The following KHDRBS2 variants were observed in gnomAD, a reference collection of about 807,000 sequenced individuals.
KHDRBS2 encodes KH domain-containing, RNA-binding, signal transduction-associated protein 2.
Under a neutral mutation model 44.3 loss-of-function variants are expected in KHDRBS2, and 26 were observed. The ratio of observed to expected loss-of-function variants is 0.59; its 90% CI spans 0.43 to 0.81. The LOEUF is 0.81. Ranked by LOEUF, KHDRBS2 falls within the 40% of genes least tolerant of loss-of-function variation. The probability of loss-of-function intolerance (pLI) is 0.00; values close to 1 mark genes in which losing one functional copy is unlikely to be tolerated. For missense variants in KHDRBS2, 476 were observed against 433.1 expected (o/e 1.10, Z -0.88); for synonymous variants, 194 against 151.1 (o/e 1.28, Z -2.08).
At chr6:61,749,009 C>CTTTTTTTT (rs34423906) in intron 6 of KHDRBS2, among the ~76,000 whole-genome samples, 289 of 97,216 alleles carry the variant, frequency 3.0e-3, no homozygotes, top group Non-Finnish European at 3.6e-3. Context: ...TTCTTTCTTT[C>CTTTTTTTT]TTTTTTTTTT....
chr6:61,579,102 A>G, the KHDRBS2 span, among the ~76,000 whole-genome samples: 1 of 152,290 alleles, frequency 6.6e-6, no homozygotes, highest in East Asian at 1.9e-4. Flanking sequence ...GCGTAGGCTC[A>G]GGATTACCAG....
intron 6 of KHDRBS2, among the ~76,000 whole-genome samples, chr6:61,765,634 G>C (rs56231834): frequency 0.028 from 4,297 of 151,984 alleles, 223 homozygotes; most frequent in African/African-American, 0.099. Context: ...TGTTATATAT[G>C]GCCTTTATCA....
chr6:61,977,090 C>T (rs964437845), intron 4 of KHDRBS2, among the ~76,000 whole-genome samples: 2 of 152,040 alleles, frequency 1.3e-5, no homozygotes, highest in Non-Finnish European at 2.9e-5. Flanking sequence ...TCTTGAAATT[C>T]TCTGGTTTTA....
chr6:61,547,945 C>G, the KHDRBS2 span, among the ~76,000 whole-genome samples: 1 of 152,060 alleles, frequency 6.6e-6, no homozygotes, highest in South Asian at 2.1e-4. Context: ...AAAGGTACAG[C>G]ATTTTAACAC....
chr6:61,599,519 C>T, the KHDRBS2 span, among the ~76,000 whole-genome samples: 1 of 152,118 alleles, frequency 6.6e-6, no homozygotes, highest in South Asian at 2.1e-4. Flanking sequence ...GATAGTGAAA[C>T]ACTCTTGTTG....
chr6:61,755,694 C>T (rs1778385059), intron 6 of KHDRBS2, among the ~76,000 whole-genome samples: 1 of 151,120 alleles, frequency 6.6e-6, no homozygotes. Context: ...GCCTGTAATC[C>T]TAGCTACTTG....
Position 62,105,067 on chromosome 6 carries a change from C to A in KHDRBS2, c.220-57073G>T, listed in dbSNP as rs372959175. Among the ~76,000 whole-genome samples the A allele has an allele frequency of 2.6e-4, 40 of 152,092 alleles. No individual in the cohort carries two copies. In the East Asian group the frequency reaches 4.1e-3, roughly 15 times the overall value. ...GTGGACAAATTCATTGAAAAACAAA[C>A]AACCATTCTCAACAGGAAGAAAATG... On this transcript the variant is annotated intron_variant, in intron 2 of 8. Coordinates refer to ENST00000281156, the MANE Select transcript of KHDRBS2 (RefSeq NM_152688.4).
rs149154240 is a variant in KHDRBS2 at position 62,284,304 on chromosome 6, T to C, written c.91+1554A>G. Among the ~76,000 whole-genome samples the C allele has an allele frequency of 6.0e-4, 91 of 151,862 alleles. 1 individual carries two copies. The East Asian group carries it at 0.015, about 25-fold the overall frequency. On this transcript the variant is annotated intron_variant, in intron 1 of 8. Coordinates refer to ENST00000281156, the MANE Select transcript of KHDRBS2 (RefSeq NM_152688.4). ...TAGCGGGTCAGAGAGAATGATCAATTTGTAACTTTTTTTTCACTTTAAAGA... is the reference window on the plus strand; with the variant it reads ...TAGCGGGTCAGAGAGAATGATCAATCTGTAACTTTTTTTTCACTTTAAAGA...
At chr6:62,023,015 G>A (rs1554333458) in intron 3 of KHDRBS2, among the ~76,000 whole-genome samples, 18 of 151,598 alleles carry the variant, frequency 1.2e-4, no homozygotes. Flanking sequence ...GAACAAAAGG[G>A]CAGGCTTGTA....
At chr6:61,678,484 G>C (rs2127536654), downstream of KHDRBS2, among the ~76,000 whole-genome samples, 1 of 152,070 alleles carries the variant, frequency 6.6e-6, no homozygotes, top group East Asian at 1.9e-4. Flanking sequence ...GATAGGTAAG[G>C]AGTTGGTCAG....
rs70996208 is a variant in KHDRBS2, at chr6:62,194,480, C to CTTTTTT, written c.92-17174_92-17169dup. Among the ~76,000 whole-genome samples the CTTTTTT allele has an allele frequency of 2.0e-3, 139 of 69,748 alleles. 14 individuals are homozygous for CTTTTTT. The highest frequency in any genetic ancestry group is 2.5e-3 in the Non-Finnish European group (99 of 39,772). 45.8% of individuals were successfully genotyped at this position (69,748 alleles called of 152,430 possible). On this transcript the variant is annotated intron_variant, in intron 1 of 8. Transcript: ENST00000281156. The stretch of plus-strand genomic sequence containing the variant: ...CACTTTCTTTTCTTTTCTTTTCTTC[C>CTTTTTT]TTTTTTTTTTTTTTTTTTTTTTTTT...
intron 6 of KHDRBS2, among the ~76,000 whole-genome samples, chr6:61,746,277 T>G (rs2127566341): frequency 6.6e-6 from 1 of 152,104 alleles, no homozygotes; most frequent in South Asian, 2.1e-4. Context: ...TCGCATGCAT[T>G]AAGTATTTGT....
At chr6:61,555,003 G>C in the KHDRBS2 span, among the ~76,000 whole-genome samples, 24 of 152,066 alleles carry the variant, frequency 1.6e-4, no homozygotes, top group African/African-American at 4.6e-4. Flanking sequence ...TGGTCTTCTT[G>C]TTTCACAGGG....
intron 3 of KHDRBS2, among the ~76,000 whole-genome samples, chr6:62,019,896 C>T (rs1316453950): frequency 2.0e-5 from 3 of 151,362 alleles, no homozygotes; most frequent in African/African-American, 7.3e-5. Context: ...TTTTATTCAT[C>T]ATTATTTTTG....
the KHDRBS2 span, among the ~76,000 whole-genome samples, chr6:61,655,784 A>G: frequency 6.6e-6 from 1 of 152,098 alleles, no homozygotes. Context: ...GAAGTAGTCC[A>G]TTTCACACAT....
intron 7 of KHDRBS2, among the ~76,000 whole-genome samples, chr6:61,722,883 G>A (rs1262148712): frequency 2.0e-5 from 3 of 151,770 alleles, no homozygotes; most frequent in Non-Finnish European, 4.4e-5. Flanking sequence ...CTAATTTTTT[G>A]TACTTTTAGT....
chr6:62,099,883 T>C (rs1801469161), intron 2 of KHDRBS2, among the ~76,000 whole-genome samples: 2 of 152,192 alleles, frequency 1.3e-5, no homozygotes, highest in African/African-American at 4.8e-5. Flanking sequence ...ACTAACACAA[T>C]ATACATTCTA....
intron 6 of KHDRBS2, among the ~76,000 whole-genome samples, chr6:61,873,605 T>C (rs1422776187): frequency 1.4e-5 from 2 of 145,286 alleles, no homozygotes; most frequent in African/African-American, 5.2e-5. Context: ...AGCACAAGAA[T>C]GCTCATGTTG....
the KHDRBS2 span, among the ~76,000 whole-genome samples, chr6:61,584,351 T>C: frequency 2.0e-5 from 3 of 151,842 alleles, no homozygotes. Flanking sequence ...CTCTAAGTTT[T>C]TCATGGATGC....
Sources: gnomAD v4.1 joint callset for allele counts (sites outside exome capture counted in the v4.1 genomes callset) on GRCh38, gnomAD v4.1.1 for gene constraint, MANE v1.5 for transcripts, NCBI Gene and HGNC (gene_info 2026-07-23, HGNC 2026-07-21) for gene names.